The following DCDC1 variants were observed in gnomAD, a reference collection of about 807,000 sequenced individuals.
DCDC1 encodes doublecortin domain-containing protein 1.
Under a neutral mutation model 178.3 loss-of-function variants are expected in DCDC1, and 200 were observed. The ratio of observed to expected loss-of-function variants is 1.12; its 90% CI spans 1.00 to 1.26. DCDC1 has a LOEUF of 1.26. Among genes scored for constraint, DCDC1 ranks in the 50% most tolerant of loss-of-function variants. The probability of loss-of-function intolerance (pLI) is 0.00; values close to 1 mark genes in which losing one functional copy is unlikely to be tolerated. For synonymous variants in DCDC1, 690 were observed against 604.8 expected (o/e 1.14, Z -2.07); for missense variants, 1,983 against 1,749.2 (o/e 1.13, Z -2.38).
intron 21 of DCDC1, among the ~76,000 whole-genome samples, chr11:30,937,319 AC>A (rs1183472437): frequency 6.6e-6 from 1 of 151,960 alleles, no homozygotes; most frequent in African/African-American, 2.4e-5. Flanking sequence ...CCAAAATGTC[AC>A]TTTTTCTCCC....
chr11:31,248,076 T>G (rs548549446), intron 8 of DCDC1, among the ~76,000 whole-genome samples: 1 of 152,168 alleles, frequency 6.6e-6, no homozygotes, highest in East Asian at 1.9e-4. Context: ...ATACAAAAAC[T>G]TAAAGTATTA....
intron 20 of DCDC1, among the ~76,000 whole-genome samples, chr11:31,001,566 A>G (rs1951581629): frequency 6.6e-6 from 1 of 152,198 alleles, no homozygotes; most frequent in Non-Finnish European, 1.5e-5. Context: ...GCTCCACTCA[A>G]CAAGCAGGTA....
In DCDC1 at chr11:30,905,079, T is replaced by C; in HGVS notation, c.4190A>G (p.Gln1397Arg). ...LLSLRMKTCT[Q>R]AASHSGMAAT... ...TGCCATGCCACTGTGAGATGCAGCT[T>C]GCGTGCAGGTCTTCATCCGTAAAGA... Residue 1397 changes from glutamine (Q) to arginine (R), a missense_variant, in exon 31 of 39, where the codon CAA (glutamine) becomes CGA (arginine). By Grantham distance (43) the Gln-to-Arg change is conservative. Transcript: ENST00000684477. The C allele has an allele frequency of 6.2e-7, 1 of 1,613,828 alleles. No individual in the cohort carries two copies. The highest frequency in any genetic ancestry group is 8.5e-7 in the Non-Finnish European group (1 of 1,179,784).
intron 10 of DCDC1, among the ~76,000 whole-genome samples, chr11:31,130,482 C>G (rs1232111316): frequency 6.6e-6 from 1 of 152,118 alleles, no homozygotes; most frequent in African/African-American, 2.4e-5. Flanking sequence ...CCAATAGAAA[C>G]TGCTCCTTCA....
intron 20 of DCDC1, among the ~76,000 whole-genome samples, chr11:30,953,621 C>T (rs1385726973): frequency 1.3e-5 from 2 of 152,072 alleles, no homozygotes; most frequent in Non-Finnish European, 2.9e-5. Context: ...AAATCAATAA[C>T]TTGGAAAGTA....
At chr11:31,060,172 T>C (rs189413506) in intron 20 of DCDC1, among the ~76,000 whole-genome samples, 28 of 152,198 alleles carry the variant, frequency 1.8e-4, no homozygotes, top group Non-Finnish European at 2.9e-4. Context: ...ATGGTAAACA[T>C]AATAAATTGA....
In DCDC1 at chr11:30,911,417, G is replaced by T; in HGVS notation, c.3657C>A (p.Thr1219=). Residue 1219 remains threonine, a synonymous_variant, in exon 28 of 39, where the codon ACC becomes ACA. Coordinates refer to ENST00000684477, the MANE Select transcript of DCDC1 (RefSeq NM_001387274.1). Reference sequence around the variant, plus strand: ...GGTCAGGGTTACTCACAAGGTGAAAGGTCCTTGGGAAAACAGGATTAGCCA... The same window carrying T: ...GGTCAGGGTTACTCACAAGGTGAAATGTCCTTGGGAAAACAGGATTAGCCA... ...QRWIHQEDSR[T]FHLVSNPDLV... is the part of the protein sequence containing the mutation. 1 of 1,594,382 alleles carries T rather than the reference G, an allele frequency of 6.3e-7. No individual in the cohort carries two copies. Among genetic ancestry groups the T allele is most frequent in the Non-Finnish European group, 8.5e-7 (1 of 1,169,824 alleles).
intron 11 of DCDC1, among the ~76,000 whole-genome samples, chr11:31,124,280 T>C (rs916566938): frequency 9.9e-5 from 15 of 152,156 alleles, no homozygotes; most frequent in African/African-American, 3.6e-4. Flanking sequence ...GAGATAATCA[T>C]GTGGTTTTTG....
At chr11:30,886,027 A>G (rs1943138473) in intron 36 of DCDC1, among the ~76,000 whole-genome samples, 1 of 152,168 alleles carries the variant, frequency 6.6e-6, no homozygotes, top group African/African-American at 2.4e-5. Flanking sequence ...TGTTTTTTTA[A>G]GAATGTTAAA....
intron 9 of DCDC1, among the ~76,000 whole-genome samples, chr11:31,165,036 C>G (rs1419278505): frequency 1.3e-5 from 2 of 152,098 alleles, no homozygotes; most frequent in African/African-American, 2.4e-5. Flanking sequence ...AAGTAATATG[C>G]TATACAGGTT....
At chr11:30,977,658 G>C (rs1352066708) in intron 20 of DCDC1, among the ~76,000 whole-genome samples, 1 of 152,132 alleles carries the variant, frequency 6.6e-6, no homozygotes, top group Admixed American at 6.6e-5. Flanking sequence ...GGCCAGGCAT[G>C]GTGGCTCGCA....
chr11:31,190,182 T>C (rs2136344020), intron 9 of DCDC1, among the ~76,000 whole-genome samples: 1 of 152,244 alleles, frequency 6.6e-6, no homozygotes, highest in East Asian at 1.9e-4. Context: ...ATAAGAAGAA[T>C]TCTTATTTGT....
chr11:31,052,385 A>G (rs971875349), intron 20 of DCDC1, among the ~76,000 whole-genome samples: 1 of 152,178 alleles, frequency 6.6e-6, no homozygotes, highest in African/African-American at 2.4e-5. Flanking sequence ...AATGAGATAG[A>G]CCACAACACA....
intron 17 of DCDC1, among the ~76,000 whole-genome samples, chr11:31,086,764 TG>T (rs1265416980): frequency 6.6e-6 from 1 of 152,190 alleles, no homozygotes; most frequent in Non-Finnish European, 1.5e-5. Context: ...CACTTGTTCA[TG>T]ATACATCTTT....
At chr11:31,076,323 T>C (rs1325592563) in intron 18 of DCDC1, among the ~76,000 whole-genome samples, 1 of 152,082 alleles carries the variant, frequency 6.6e-6, no homozygotes, top group African/African-American at 2.4e-5. Context: ...TTATTTCCAG[T>C]TGTTCTGTTT....
At chr11:31,034,996 G>A (rs1326753329) in intron 20 of DCDC1, among the ~76,000 whole-genome samples, 2 of 152,158 alleles carry the variant, frequency 1.3e-5, no homozygotes, top group Non-Finnish European at 2.9e-5. Flanking sequence ...AGGCAAAAGT[G>A]CCCAGAAAAG....
intron 20 of DCDC1, among the ~76,000 whole-genome samples, chr11:31,046,803 T>C (rs1954872855): frequency 1.3e-5 from 2 of 152,026 alleles, no homozygotes; most frequent in South Asian, 4.1e-4. Context: ...ATATGACACA[T>C]ATAAAAACAT....
At chr11:30,938,954 T>C (rs1294613533) in intron 21 of DCDC1, among the ~76,000 whole-genome samples, 2 of 152,082 alleles carry the variant, frequency 1.3e-5, no homozygotes, top group South Asian at 2.1e-4. Flanking sequence ...ACCCCCCTTA[T>C]TGGAGGTTTC....
intron 17 of DCDC1, among the ~76,000 whole-genome samples, chr11:31,081,348 G>A (rs530126101): frequency 3.3e-5 from 5 of 152,278 alleles, no homozygotes; most frequent in Middle Eastern, 6.8e-3. Context: ...GGTGGCTCAC[G>A]CCTGTAATCC....
Sources: gnomAD v4.1 joint callset for allele counts (sites outside exome capture counted in the v4.1 genomes callset) on GRCh38, gnomAD v4.1.1 for gene constraint, MANE v1.5 for transcripts, NCBI Gene and HGNC (gene_info 2026-07-23, HGNC 2026-07-21) for gene names.